AKAP6: variants seen among roughly 807,000 people sequenced by gnomAD.
The protein encoded by AKAP6 is A-kinase anchor protein 6.
Under a neutral mutation model 188.5 loss-of-function variants are expected in AKAP6, and 58 were observed. The observed-to-expected ratio is 0.31, with a 90% CI of 0.25 to 0.38. The LOEUF (loss-of-function observed/expected upper bound fraction) is 0.38. Ranked by LOEUF, AKAP6 falls within the 10% of genes least tolerant of loss-of-function variation. The pLI, the probability that AKAP6 is intolerant of heterozygous loss-of-function variation, is 1.00. For missense variants in AKAP6, 2,710 were observed against 2,740.0 expected (o/e 0.99, Z 0.24); for synonymous variants, 989 against 998.6 (o/e 0.99, Z 0.18).
intron 11 of AKAP6, among the ~76,000 whole-genome samples, chr14:32,759,163 A>G (rs562253879): frequency 6.6e-6 from 1 of 152,348 alleles, no homozygotes; most frequent in Non-Finnish European, 1.5e-5. Context: ...ATTAAATCCC[A>G]AGTTATACCC....
chr14:32,551,759 C>T (rs7154908), intron 4 of AKAP6, among the ~76,000 whole-genome samples: 12,453 of 151,260 alleles, frequency 0.082, 735 homozygotes, highest in African/African-American at 0.16. Context: ...CCCAGGTTCA[C>T]GCCATTCTCC....
At chr14:32,563,911 C>T (rs527961777) in intron 4 of AKAP6, among the ~76,000 whole-genome samples, 1 of 152,266 alleles carries the variant, frequency 6.6e-6, no homozygotes, top group South Asian at 2.1e-4. Flanking sequence ...ACACAACAAC[C>T]TTATGAATAA....
intron 2 of AKAP6, among the ~76,000 whole-genome samples, chr14:32,473,552 T>A (rs537505192): frequency 1.3e-5 from 2 of 152,318 alleles, no homozygotes; most frequent in East Asian, 3.9e-4. Flanking sequence ...GAAGAAGAGC[T>A]TGAAATGCCA....
chr14:32,787,991 T>C (rs1201251569), intron 12 of AKAP6, among the ~76,000 whole-genome samples: 3 of 134,800 alleles, frequency 2.2e-5, no homozygotes, highest in African/African-American at 5.8e-5. Flanking sequence ...CAATGAGCCG[T>C]AATTATACCA....
intron 12 of AKAP6, among the ~76,000 whole-genome samples, chr14:32,786,298 C>CTTTTTTTTTTTTTT (rs1162974012): frequency 7.3e-5 from 6 of 82,550 alleles, no homozygotes; most frequent in Non-Finnish European, 1.1e-4. Flanking sequence ...AAACCTTTAT[C>CTTTTTTTTTTTTTT]TTTTTTTTTT....
chr14:32,610,084 A>T (rs1483212049), intron 7 of AKAP6, among the ~76,000 whole-genome samples: 1 of 152,200 alleles, frequency 6.6e-6, no homozygotes, highest in African/African-American at 2.4e-5. Flanking sequence ...GTTTAGGTTC[A>T]TGTAAAGCCT....
At chr14:32,758,685 A>C (rs2032431501) in intron 11 of AKAP6, among the ~76,000 whole-genome samples, 1 of 152,194 alleles carries the variant, frequency 6.6e-6, no homozygotes, top group Non-Finnish European at 1.5e-5. Flanking sequence ...ATGAGCCGAG[A>C]TCGCACCATT....
chr14:32,528,063 T>C (rs1882219578), intron 2 of AKAP6, among the ~76,000 whole-genome samples: 2 of 149,330 alleles, frequency 1.3e-5, no homozygotes, highest in African/African-American at 5.1e-5. Context: ...TGATATCTTA[T>C]AGGATTTTAT....
In AKAP6 at chr14:32,454,655, CTCT is replaced by C. The variant is rs1395268563; in HGVS notation, c.324+20839_324+20841del. Reference sequence around the variant, plus strand: ...TCCTTCCCTCCCTCCCTCCTTCCCTCTCTCCTTCCCTCCTTCCCTCCTTCCCTC... The same window carrying C: ...TCCTTCCCTCCCTCCCTCCTTCCCTCCCTTCCCTCCTTCCCTCCTTCCCTC... On this transcript the variant is annotated intron_variant, in intron 2 of 13. Transcript: ENST00000280979. 2.1e-3 allele frequency among the ~76,000 whole-genome samples: 145 copies of C among 69,796 alleles called. 2 individuals carry two copies. The African/African-American group carries it at 0.028, about 13-fold the overall frequency. The allele number at this position is 69,796 out of a possible 152,430, so 45.8% of individuals were successfully genotyped here. A position where few individuals can be genotyped will look rare whatever the true frequency, so the allele number is the denominator to read the frequency against.
chr14:32,439,436 T>C (rs550244740), intron 2 of AKAP6, among the ~76,000 whole-genome samples: 287 of 152,220 alleles, frequency 1.9e-3, no homozygotes, highest in Non-Finnish European at 2.4e-3. Flanking sequence ...TTCCCAGGCC[T>C]GGAACCTGGG....
intron 3 of AKAP6, among the ~76,000 whole-genome samples, chr14:32,541,329 TAATA>T: frequency 2.4e-4 from 1 of 4,168 alleles, no homozygotes; most frequent in African/African-American, 1.5e-3. Flanking sequence ...TATATTCATC[TAATA>T]TATATATATA....
At chr14:32,598,818 TTGA>T (rs1290849226) in intron 5 of AKAP6, among the ~76,000 whole-genome samples, 1 of 152,134 alleles carries the variant, frequency 6.6e-6, no homozygotes, top group African/African-American at 2.4e-5. Context: ...CGGATTGTGC[TTGA>T]TGTATTTGTT....
intron 1 of AKAP6, chr14:32,418,013 A>G (rs1375843933): frequency 2.6e-5 from 4 of 152,226 alleles, no homozygotes; most frequent in Non-Finnish European, 4.4e-5. Flanking sequence ...GATTAGGCCA[A>G]AGAGCACAAT....
chr14:32,588,404 A>G (rs1340888170), intron 5 of AKAP6, among the ~76,000 whole-genome samples: 1 of 152,174 alleles, frequency 6.6e-6, no homozygotes, highest in East Asian at 1.9e-4. Flanking sequence ...CTTTATTGTA[A>G]CACCAATTGA....
chr14:32,468,754 C>T (rs1878599054), intron 2 of AKAP6, among the ~76,000 whole-genome samples: 1 of 152,098 alleles, frequency 6.6e-6, no homozygotes, highest in Admixed American at 6.6e-5. Flanking sequence ...CATCAAAGCC[C>T]TGACAGAAAC....
chr14:32,458,511 G>A lies in AKAP6; in HGVS notation c.324+24694G>A, dbSNP rs182120586. 2.3e-3 allele frequency among the ~76,000 whole-genome samples: 349 copies of A among 152,064 alleles called. 2 individuals are homozygous for A. Among genetic ancestry groups the A allele is most frequent in the Admixed American group, 6.5e-3 (100 of 15,286 alleles). On this transcript the variant is annotated intron_variant, in intron 2 of 13. Transcript: ENST00000280979. Reference sequence around the variant, plus strand: ...TATATTATTTGTAATTGTAAATGTCGCTGAAAGTATTATTAGTAGTCACAA... The same window carrying A: ...TATATTATTTGTAATTGTAAATGTCACTGAAAGTATTATTAGTAGTCACAA...
intron 1 of AKAP6, among the ~76,000 whole-genome samples, chr14:32,399,455 G>T (rs1213362561): frequency 6.6e-6 from 1 of 152,156 alleles, no homozygotes; most frequent in Non-Finnish European, 1.5e-5. Context: ...TAATTTAGCT[G>T]TCATCCAGTG....
intron 2 of AKAP6, among the ~76,000 whole-genome samples, chr14:32,507,772 G>C (rs959786196): frequency 6.6e-6 from 1 of 152,178 alleles, no homozygotes; most frequent in Non-Finnish European, 1.5e-5. Flanking sequence ...ATATTTGATC[G>C]AGCACAGAGG....
At chr14:32,420,909 T>TTTTGTGTGTGTGTG (rs1555327187) in intron 1 of AKAP6, among the ~76,000 whole-genome samples, 6,748 of 146,512 alleles carry the variant, frequency 0.046, 191 homozygotes, top group East Asian at 0.073. Context: ...GGAGATTGAT[T>TTTTGTGTGTGTGTG]TGTGTGTGTG....
Sources: allele counts gnomAD v4.1 joint callset (sites outside exome capture counted in the v4.1 genomes callset), GRCh38; gene constraint gnomAD v4.1.1; transcripts MANE v1.5; gene names NCBI Gene and HGNC (gene_info 2026-07-23, HGNC 2026-07-21).